The following PHYHIPL variants were observed in gnomAD, a reference collection of about 807,000 sequenced individuals.
PHYHIPL encodes the protein phytanoyl-CoA hydroxylase-interacting protein-like.
Under a neutral mutation model 33.4 loss-of-function variants are expected in PHYHIPL, and 9 were observed. That is an observed-to-expected ratio of 0.27 (90% CI 0.16 to 0.47). The LOEUF (loss-of-function observed/expected upper bound fraction) is 0.47, where lower values mean the gene tolerates loss of function less well. PHYHIPL is among the 20% of genes least tolerant of loss of function. PHYHIPL has a pLI of 0.99. For missense variants in PHYHIPL, 365 were observed against 460.7 expected (o/e 0.79, Z 1.90); for synonymous variants, 153 against 154.1 (o/e 0.99, Z 0.05).
chr10:59,209,648 A>G (rs1054909282), intron 1 of PHYHIPL, among the ~76,000 whole-genome samples: 3 of 152,224 alleles, frequency 2.0e-5, no homozygotes, highest in African/African-American at 7.2e-5. Context: ...TGGAGGCATC[A>G]CACTACCTGA....
chr10:59,207,347 C>T (rs1269459275), intron 1 of PHYHIPL, among the ~76,000 whole-genome samples: 1 of 152,140 alleles, frequency 6.6e-6, no homozygotes, highest in Non-Finnish European at 1.5e-5. Context: ...CCTCCCCTAG[C>T]CAAAGGAAGC....
intron 1 of PHYHIPL, among the ~76,000 whole-genome samples, chr10:59,228,647 A>G (rs1839994623): frequency 1.3e-5 from 2 of 152,152 alleles, no homozygotes; most frequent in South Asian, 2.1e-4. Context: ...AGTTGTATCT[A>G]TTCTTTGTTA....
chr10:59,199,162 T>G (rs925200344), intron 1 of PHYHIPL, among the ~76,000 whole-genome samples: 32 of 152,234 alleles, frequency 2.1e-4, no homozygotes, highest in African/African-American at 7.7e-4. Flanking sequence ...ATTGCCTAGG[T>G]TTTCTTCTAG....
chr10:59,238,762 G>A, intron 4 of PHYHIPL, 57 bp downstream of exon 4: 1 of 1,169,066 alleles, frequency 8.6e-7, no homozygotes, highest in Non-Finnish European at 1.3e-6. Flanking sequence ...CAAATTCTAG[G>A]CTCAGGTTTC....
intron 1 of PHYHIPL, among the ~76,000 whole-genome samples, chr10:59,229,741 T>C (rs1432200833): frequency 2.0e-5 from 3 of 151,994 alleles, no homozygotes; most frequent in Non-Finnish European, 4.4e-5. Flanking sequence ...AACAACTGGA[T>C]TGGTTACTGC....
intron 1 of PHYHIPL, among the ~76,000 whole-genome samples, chr10:59,185,356 GT>G (rs1838562299): frequency 1.3e-5 from 2 of 152,144 alleles, no homozygotes; most frequent in South Asian, 2.1e-4. Flanking sequence ...TCTTAATCCA[GT>G]CTATCATTGT....
chr10:59,218,242 C>T (rs1465641015), intron 1 of PHYHIPL, among the ~76,000 whole-genome samples: 1 of 152,006 alleles, frequency 6.6e-6, no homozygotes, highest in Non-Finnish European at 1.5e-5. Context: ...CTTATGGATA[C>T]AAAATGAAGT....
intron 3 of PHYHIPL, among the ~76,000 whole-genome samples, chr10:59,237,560 C>T (rs905247710): frequency 3.3e-5 from 5 of 151,872 alleles, no homozygotes; most frequent in Non-Finnish European, 7.4e-5. Flanking sequence ...TAAGCTTTGT[C>T]AATAACCTTG....
At chr10:59,222,364 G>T (rs1839801419) in intron 1 of PHYHIPL, among the ~76,000 whole-genome samples, 2 of 151,922 alleles carry the variant, frequency 1.3e-5, no homozygotes, top group Non-Finnish European at 2.9e-5. Context: ...AGAAAGCGGG[G>T]CTTAAGGATT....
intron 1 of PHYHIPL, among the ~76,000 whole-genome samples, chr10:59,188,935 A>G (rs1694130268): frequency 6.6e-6 from 1 of 152,096 alleles, no homozygotes; most frequent in South Asian, 2.1e-4. Flanking sequence ...TAGCCTTCAT[A>G]TAAATAAGTT....
intron 1 of PHYHIPL, chr10:59,221,636 T>C (rs1839779853): frequency 1.0e-6 from 1 of 977,274 alleles, no homozygotes; most frequent in Non-Finnish European, 1.2e-6. Flanking sequence ...CTCATGTCAG[T>C]GGAATCAGAA....
At chr10:59,178,615 G>A (rs1017812461) in intron 1 of PHYHIPL, among the ~76,000 whole-genome samples, 2 of 152,076 alleles carry the variant, frequency 1.3e-5, no homozygotes, top group African/African-American at 4.8e-5. Flanking sequence ...GCTCATTCTT[G>A]TACTCAATGG....
At chr10:59,178,407 T>C (rs1213394377) in intron 1 of PHYHIPL, among the ~76,000 whole-genome samples, 1 of 152,168 alleles carries the variant, frequency 6.6e-6, no homozygotes, top group Non-Finnish European at 1.5e-5. Context: ...TATGTAAGCT[T>C]GCATGATTAT....
At chr10:59,188,974 G>A (rs985075326) in intron 1 of PHYHIPL, among the ~76,000 whole-genome samples, 11 of 151,952 alleles carry the variant, frequency 7.2e-5, no homozygotes, top group East Asian at 1.9e-4. Flanking sequence ...ATGCACATGC[G>A]TTTCCAGGTA....
chr10:59,211,663 C>CT (rs202106016), intron 1 of PHYHIPL, among the ~76,000 whole-genome samples: 4 of 2,230 alleles, frequency 1.8e-3, no homozygotes, highest in South Asian at 0.029. Flanking sequence ...GGCGGACTCT[C>CT]TAAAAAAAAA....
chr10:59,240,353 A>G (rs1162169766), intron 4 of PHYHIPL, among the ~76,000 whole-genome samples: 3 of 152,078 alleles, frequency 2.0e-5, no homozygotes, highest in Non-Finnish European at 2.9e-5. Context: ...TGTTAAACCC[A>G]TTGTAAGTTG....
At chr10:59,177,316 G>A (rs1474097704) in intron 1 of PHYHIPL, 16 of 707,112 alleles carry the variant, frequency 2.3e-5, no homozygotes, top group Non-Finnish European at 3.1e-5. Flanking sequence ...GGGCACTGAA[G>A]GGGAAATGCC....
chr10:59,186,843 T>G (rs1838621262), intron 1 of PHYHIPL, among the ~76,000 whole-genome samples: 1 of 152,216 alleles, frequency 6.6e-6, no homozygotes, highest in Admixed American at 6.5e-5. Flanking sequence ...AAGTTGCTCA[T>G]CAGCTTAAGG....
At chr10:59,244,205 G>A (rs2133306977) in intron 4 of PHYHIPL, among the ~76,000 whole-genome samples, 1 of 152,212 alleles carries the variant, frequency 6.6e-6, no homozygotes, top group South Asian at 2.1e-4. Context: ...GAGGTAAAGT[G>A]GGAATAACTA....
Sources: gnomAD v4.1 joint callset for allele counts (sites outside exome capture counted in the v4.1 genomes callset) on GRCh38, gnomAD v4.1.1 for gene constraint, MANE v1.5 for transcripts, NCBI Gene and HGNC (gene_info 2026-07-23, HGNC 2026-07-21) for gene names.